The following SLC9A7 variants were observed in gnomAD, a reference collection of about 807,000 sequenced individuals.
The protein encoded by SLC9A7 is solute carrier family 9 member A7, also known as sodium/hydrogen exchanger 7.
In SLC9A7, 19 loss-of-function variants were observed where a neutral mutation model predicts 52.6. The observed-to-expected ratio is 0.36, with a 90% CI of 0.25 to 0.53. The LOEUF (loss-of-function observed/expected upper bound fraction) is 0.53. SLC9A7 is among the 20% of genes least tolerant of loss of function. The pLI, the probability that SLC9A7 is intolerant of heterozygous loss-of-function variation, is 0.91. For missense variants in SLC9A7, 455 were observed against 597.9 expected, an observed-to-expected ratio of 0.76 and a Z score of 2.49; for synonymous variants, 226 against 252.1, an observed-to-expected ratio of 0.90 and a Z score of 0.98.
intron 5 of SLC9A7, among the ~76,000 whole-genome samples, chrX:46,668,742 T>C (rs761602965): frequency 2.7e-5 from 3 of 111,791 alleles, no homozygotes; most frequent in Admixed American, 1.9e-4. Flanking sequence ...TGCCAGGGGC[T>C]GCAGGGAAGG....
At chrX:46,734,646 G>A (rs1028289189) in intron 1 of SLC9A7, among the ~76,000 whole-genome samples, 13 of 111,361 alleles carry the variant, frequency 1.2e-4, no homozygotes, top group African/African-American at 4.2e-4. Flanking sequence ...AAGCCTTCAG[G>A]TGGCTGAGAC....
chrX:46,703,994 A>G (rs1250498618), intron 1 of SLC9A7, among the ~76,000 whole-genome samples: 1 of 111,781 alleles, frequency 8.9e-6, no homozygotes, highest in Non-Finnish European at 1.9e-5. Flanking sequence ...CATGTACAAT[A>G]TATATTTCCT....
chrX:46,740,340 C>T (rs1296055632), intron 1 of SLC9A7, among the ~76,000 whole-genome samples: 2 of 111,437 alleles, frequency 1.8e-5, no homozygotes, highest in African/African-American at 3.3e-5. Flanking sequence ...TTCGCCATTC[C>T]TATTCAACAT....
chrX:46,686,458 G>A (rs1944296913), intron 1 of SLC9A7, among the ~76,000 whole-genome samples: 1 of 111,783 alleles, frequency 8.9e-6, no homozygotes, highest in Non-Finnish European at 1.9e-5. Flanking sequence ...GAAAGAATAG[G>A]ATATTAGAAC....
At chrX:46,663,118 G>A (rs764120417) in intron 5 of SLC9A7, among the ~76,000 whole-genome samples, 1 of 112,109 alleles carries the variant, frequency 8.9e-6, no homozygotes, top group South Asian at 3.8e-4. Flanking sequence ...TGGATCACCT[G>A]AGGTGAGGAG....
At chrX:46,608,096 T>G (rs995900062) in intron 16 of SLC9A7, among the ~76,000 whole-genome samples, 22 of 112,674 alleles carry the variant, frequency 2.0e-4, no homozygotes, top group African/African-American at 7.1e-4. Flanking sequence ...CTGGCCTCTC[T>G]GACCCCCTCA....
At chrX:46,682,084 T>C (rs1274564087) in intron 2 of SLC9A7, among the ~76,000 whole-genome samples, 1 of 111,749 alleles carries the variant, frequency 8.9e-6, no homozygotes, top group Non-Finnish European at 1.9e-5. Context: ...TACAAATCCA[T>C]TGCACAATCA....
intron 1 of SLC9A7, among the ~76,000 whole-genome samples, chrX:46,749,542 G>A (rs1019092249): frequency 9.0e-6 from 1 of 111,493 alleles, no homozygotes; most frequent in African/African-American, 3.3e-5. Flanking sequence ...CGAAGGCCTG[G>A]TGCTGCCACT....
intron 1 of SLC9A7, 28 bp from the exon 2 acceptor site, chrX:46,682,563 G>T (rs1162897932): frequency 4.4e-6 from 5 of 1,144,586 alleles, no homozygotes; most frequent in Non-Finnish European, 5.9e-6. Context: ...AACTCATCAG[G>T]CCTGAGGAAG....
intron 1 of SLC9A7, among the ~76,000 whole-genome samples, chrX:46,686,851 A>G (rs1298011643): frequency 8.9e-6 from 1 of 112,396 alleles, no homozygotes; most frequent in Non-Finnish European, 1.9e-5. Context: ...GAAAGCAAAT[A>G]TGGATGAAAT....
intron 1 of SLC9A7, chrX:46,725,264 C>T: frequency 4.4e-6 from 5 of 1,131,788 alleles, no homozygotes; most frequent in Non-Finnish European, 4.9e-6. Context: ...CAGATGCTGT[C>T]TCATACAAAT....
intron 13 of SLC9A7, among the ~76,000 whole-genome samples, chrX:46,633,382 C>T (rs74884575): frequency 1.7e-4 from 3 of 17,591 alleles, no homozygotes; most frequent in Admixed American, 7.7e-4. Context: ...AAAAAAAAAA[C>T]AGATCGGGGC....
At chrX:46,721,845 C>T (rs1203901443) in intron 1 of SLC9A7, among the ~76,000 whole-genome samples, 2 of 112,145 alleles carry the variant, frequency 1.8e-5, no homozygotes, top group Non-Finnish European at 1.9e-5. Flanking sequence ...AAGATGATTA[C>T]GTATTGTGCT....
At chrX:46,618,050 G>A (rs778319336) in intron 15 of SLC9A7, among the ~76,000 whole-genome samples, 20 of 111,445 alleles carry the variant, frequency 1.8e-4, no homozygotes, top group African/African-American at 6.5e-4. Flanking sequence ...CAGTGAAGAG[G>A]GGTGGAATTT....
At chrX:46,700,689 A>C (rs1944517588) in intron 1 of SLC9A7, among the ~76,000 whole-genome samples, 1 of 112,120 alleles carries the variant, frequency 8.9e-6, no homozygotes, top group African/African-American at 3.2e-5. Flanking sequence ...CTCTTCTTTA[A>C]GCCGCCTAGT....
chrX:46,635,184 T>C (rs184367100), intron 13 of SLC9A7, among the ~76,000 whole-genome samples: 19 of 112,165 alleles, frequency 1.7e-4, no homozygotes, highest in African/African-American at 6.2e-4. Flanking sequence ...CCAGTCATGG[T>C]TGAAATATGA....
At chrX:46,681,783 T>C (rs1174366206) in intron 2 of SLC9A7, among the ~76,000 whole-genome samples, 1 of 112,296 alleles carries the variant, frequency 8.9e-6, no homozygotes, top group Non-Finnish European at 1.9e-5. Context: ...CAACATTAAA[T>C]GAAAATGCTT....
At chrX:46,655,512 G>A (rs904684410) in intron 7 of SLC9A7, among the ~76,000 whole-genome samples, 26 of 111,381 alleles carry the variant, frequency 2.3e-4, no homozygotes, top group South Asian at 7.6e-4. Context: ...CAGTGGGTGC[G>A]CGCACCATGT....
intron 12 of SLC9A7, among the ~76,000 whole-genome samples, chrX:46,640,568 C>T (rs1448555100): frequency 8.9e-6 from 1 of 111,978 alleles, no homozygotes; most frequent in African/African-American, 3.2e-5. Context: ...AAAACTTCTG[C>T]TCTATGAAAG....
Sources: gnomAD v4.1 joint callset for allele counts (sites outside exome capture counted in the v4.1 genomes callset) on GRCh38, gnomAD v4.1.1 for gene constraint, MANE v1.5 for transcripts, NCBI Gene and HGNC (gene_info 2026-07-23, HGNC 2026-07-21) for gene names.